The following ZNF664 variants were observed in gnomAD, a reference collection of about 807,000 sequenced individuals.
ZNF664 encodes the protein zinc finger Organ of Corti 1.
In ZNF664, 10 loss-of-function variants were observed where a neutral mutation model predicts 18.2. That is an observed-to-expected ratio of 0.55 (90% confidence interval 0.34 to 0.93). The LOEUF is 0.93. ZNF664 is among the 40% of genes least tolerant of loss of function. The pLI is 0.02. For synonymous variants in ZNF664, 119 were observed against 104.2 expected (o/e 1.14, Z -0.86); for missense variants, 193 against 319.0 (o/e 0.61, Z 3.01).
Position 124,013,101 on chromosome 12 carries a change from A to G in ZNF664, c.*171A>G. 1 of 965,760 alleles carries G rather than the reference A, an allele frequency of 1.0e-6. No individual in the cohort carries two copies. Among genetic ancestry groups the G allele is most frequent in the Non-Finnish European group, 1.5e-6 (1 of 663,028 alleles). 59.8% of individuals were successfully genotyped at this position (965,760 alleles called of 1,614,324 possible). A position where few individuals can be genotyped will look rare whatever the true frequency, so the allele number is the denominator to read the frequency against. ...TTGGTTCATGCCAAGTGTGTTCCAC[A>G]GGTTGACTTTGAATGTGGACCTCTG... On this transcript the variant is annotated 3_prime_UTR_variant, in exon 5 of 5. Coordinates refer to ENST00000337815, the MANE Select transcript of ZNF664 (RefSeq NM_152437.3).
Position 124,011,928 on chromosome 12 carries a change from G to T in ZNF664, c.-217G>T. On this transcript the variant is annotated 5_prime_UTR_variant, in exon 5 of 5. Coordinates refer to ENST00000337815, the MANE Select transcript of ZNF664 (RefSeq NM_152437.3). Reference sequence around the variant, plus strand: ...TGGAAGTCAATGTCACTTTATAATCGATAATAATACTGAGTGAGGAACACT... The same window carrying T: ...TGGAAGTCAATGTCACTTTATAATCTATAATAATACTGAGTGAGGAACACT... 1 of 1,351,060 alleles carries T rather than the reference G, an allele frequency of 7.4e-7. No individual in the cohort carries two copies. Among genetic ancestry groups the T allele is most frequent in the Non-Finnish European group, 9.4e-7 (1 of 1,058,846 alleles). 83.7% of individuals were successfully genotyped at this position (1,351,060 alleles called of 1,614,324 possible).
chr12:123,996,260 T>C (rs796928167), intron 3 of ZNF664, among the ~76,000 whole-genome samples: 3 of 152,338 alleles, frequency 2.0e-5, no homozygotes, highest in African/African-American at 7.2e-5. Context: ...AACAACTTGC[T>C]TGAGGTCACA....
rs2138467422 is a variant in ZNF664 at position 124,012,358 on chromosome 12, A to G, written c.214A>G (p.Thr72Ala). Reference protein sequence around the residue: ...DDCGKDFSTTTKLNRHKKIHT... With the variant: ...DDCGKDFSTTAKLNRHKKIHT... Reference sequence around the variant, plus strand: ...TTGTGGTAAGGATTTTAGCACTACAACAAAACTTAATAGACATAAGAAAAT... The same window carrying G: ...TTGTGGTAAGGATTTTAGCACTACAGCAAAACTTAATAGACATAAGAAAAT... The change falls in exon 5 of 5, where the codon ACA becomes GCA. Residue 72 changes from threonine (T) to alanine (A), a missense_variant. By Grantham distance (58) the Thr-to-Ala change is moderately conservative. Around this residue, in one of 3 missense-constraint regions of ZNF664, gnomAD observed 90 missense variants for 118.9 expected, o/e 0.76. Coordinates refer to ENST00000337815, the MANE Select transcript of ZNF664 (RefSeq NM_152437.3). The G allele has an allele frequency of 6.2e-7, 1 of 1,614,254 alleles. No homozygotes were observed. The highest frequency in any genetic ancestry group is 2.2e-5 in the East Asian group (1 of 44,890).
At position 124,014,588 on chromosome 12, in the gene ZNF664, A is replaced by C. The variant is rs1250302071; in HGVS notation, c.*1658A>C. 6.0e-6 allele frequency: 1 copy of C among 167,070 alleles called. No individual in the cohort carries two copies. Among genetic ancestry groups the C allele is most frequent in the African/African-American group, 2.4e-5 (1 of 41,426 alleles). 10.3% of individuals were successfully genotyped at this position (167,070 alleles called of 1,614,324 possible). A position where few individuals can be genotyped will look rare whatever the true frequency, so the allele number is the denominator to read the frequency against. On this transcript the variant is annotated 3_prime_UTR_variant, in exon 5 of 5. Transcript: ENST00000337815. ...CTTTTGCTCAGGAAGTCTTTGGGGA[A>C]ATTAAGGATCTTTGAAGCTCTGAAA...
chr12:123,994,935 G>A (rs941233908), intron 3 of ZNF664, among the ~76,000 whole-genome samples: 4 of 152,222 alleles, frequency 2.6e-5, no homozygotes, highest in South Asian at 2.1e-4. Context: ...ATCTAGATCA[G>A]TGGGTGCTTA....
chr12:123,973,753 C>T (rs1956634498), intron 1 of ZNF664, 133 bp from the exon 2 acceptor site: 2 of 1,221,990 alleles, frequency 1.6e-6, no homozygotes, highest in African/African-American at 3.1e-5. Context: ...CTGCCGCCCT[C>T]GTCGCCCGTG....
chr12:124,004,032 A>C (rs1253401500), intron 3 of ZNF664, among the ~76,000 whole-genome samples: 1 of 152,228 alleles, frequency 6.6e-6, no homozygotes, highest in African/African-American at 2.4e-5. Flanking sequence ...AGCTGTGGAC[A>C]ACAGACAGGG....
At chr12:123,981,381 A>T (rs1956763237) in intron 2 of ZNF664, among the ~76,000 whole-genome samples, 1 of 152,224 alleles carries the variant, frequency 6.6e-6, no homozygotes, top group South Asian at 2.1e-4. Flanking sequence ...TCATGAGGGC[A>T]GAGCCATTCA....
intron 2 of ZNF664, 61 bp downstream of exon 2, chr12:123,974,081 C>T: frequency 8.8e-7 from 1 of 1,134,538 alleles, no homozygotes; most frequent in Non-Finnish European, 1.1e-6. Context: ...GGCGTTCTCA[C>T]CCCTTCCAGG....
chr12:123,973,717 T>G, intron 1 of ZNF664, 169 bp from the exon 2 acceptor site: 1 of 1,128,388 alleles, frequency 8.9e-7, no homozygotes, highest in Non-Finnish European at 1.1e-6. Context: ...GCTCCATTGT[T>G]GTTGGAGCCG....
At chr12:123,974,087 C>G in intron 2 of ZNF664, 67 bp downstream of exon 2, 2 of 1,115,886 alleles carry the variant, frequency 1.8e-6, no homozygotes, top group South Asian at 4.5e-5. Flanking sequence ...CTCACCCCTT[C>G]CAGGACTCGA....
intron 2 of ZNF664, among the ~76,000 whole-genome samples, chr12:123,982,440 C>T (rs751912746): frequency 1.3e-4 from 20 of 152,262 alleles, no homozygotes; most frequent in African/African-American, 3.1e-4. Context: ...CTATGTGTGC[C>T]TGCCCTCCCC....
intron 2 of ZNF664, among the ~76,000 whole-genome samples, chr12:123,981,417 G>T (rs932914707): frequency 2.0e-5 from 3 of 152,114 alleles, no homozygotes; most frequent in African/African-American, 7.2e-5. Flanking sequence ...TCATGGGAGG[G>T]GACCTGGGGG....
chr12:123,973,643 A>G (rs890945080), intron 1 of ZNF664: 2 of 563,814 alleles, frequency 3.5e-6, no homozygotes, highest in African/African-American at 4.0e-5. Flanking sequence ...GGTGCGAGCG[A>G]GGGCTGGGCA....
rs370844078 is a variant in ZNF664 at position 123,986,127 on chromosome 12, G to T, written c.-756-1916G>T. On this transcript the variant is annotated intron_variant, in intron 2 of 4. Coordinates refer to ENST00000337815, the MANE Select transcript of ZNF664 (RefSeq NM_152437.3). ...GGCATGTCTGGCGGGGGGCTGGAGG[G>T]GGTGGGCTTGCCCAGAATCTGTTTG... 1.8e-3 allele frequency among the ~76,000 whole-genome samples: 277 copies of T among 152,108 alleles called. 3 individuals are homozygous for T. Among genetic ancestry groups the T allele is most frequent in the African/African-American group, 6.2e-3 (258 of 41,480 alleles).
intron 3 of ZNF664, among the ~76,000 whole-genome samples, chr12:124,008,098 C>T (rs1055236727): frequency 2.0e-5 from 3 of 152,110 alleles, no homozygotes; most frequent in African/African-American, 4.8e-5. Context: ...TGTCTCAAAT[C>T]GCTTTCATTT....
chr12:124,010,397 T>A (rs994789667), intron 3 of ZNF664, among the ~76,000 whole-genome samples: 8 of 152,242 alleles, frequency 5.3e-5, no homozygotes, highest in African/African-American at 1.9e-4. Context: ...ATGAAAAGAT[T>A]GCTAAAACAT....
At chr12:123,991,490 C>T (rs1956888405) in intron 3 of ZNF664, among the ~76,000 whole-genome samples, 1 of 152,152 alleles carries the variant, frequency 6.6e-6, no homozygotes. Context: ...TGTGAAATGA[C>T]ATTCTTGGCA....
chr12:124,002,278 G>T (rs1447286057), intron 3 of ZNF664, among the ~76,000 whole-genome samples: 1 of 152,158 alleles, frequency 6.6e-6, no homozygotes, highest in Non-Finnish European at 1.5e-5. Flanking sequence ...GATGAGGGAG[G>T]CTGGTGTGTG....
Sources: allele counts gnomAD v4.1 joint callset (sites outside exome capture counted in the v4.1 genomes callset), GRCh38; gene constraint gnomAD v4.1.1; regional missense constraint gnomAD v4.1.1; transcripts MANE v1.5; gene names NCBI Gene and HGNC (gene_info 2026-07-23, HGNC 2026-07-21).